Variants in NF2 observed in about 807,000 individuals in gnomAD.
NF2 encodes the protein NF2, moesin-ezrin-radixin like (MERLIN) tumor suppressor.
A neutral mutation model predicts 83.7 loss-of-function variants in NF2; 8 were observed. The ratio of observed to expected loss-of-function variants is 0.10; its 90% CI spans 0.06 to 0.17. NF2 has a LOEUF of 0.17. Ranked by LOEUF, NF2 falls within the 10% of genes least tolerant of loss-of-function variation. The pLI, the probability that NF2 is intolerant of heterozygous loss-of-function variation, is 1.00. For missense variants in NF2, 533 were observed against 744.4 expected, an observed-to-expected ratio of 0.72 and a Z score of 3.31; for synonymous variants, 266 against 269.6, an observed-to-expected ratio of 0.99 and a Z score of 0.13.
intron 15 of NF2, among the ~76,000 whole-genome samples, chr22:29,685,726 G>A (rs2530678): frequency 0.23 from 34,779 of 151,990 alleles, 4,250 homozygotes; most frequent in East Asian, 0.43. Context: ...ATTTGTCCTC[G>A]TTTTCAGTAC....
At chr22:29,633,218 A>T (rs1167645353) in intron 1 of NF2, among the ~76,000 whole-genome samples, 2 of 152,188 alleles carry the variant, frequency 1.3e-5, no homozygotes, top group Non-Finnish European at 2.9e-5. Flanking sequence ...GCTTTAAATC[A>T]AATATGTTTG....
In NF2 at chr22:29,637,912, G is replaced by A. The variant is rs112649205; in HGVS notation, c.240+1036G>A. Among the ~76,000 whole-genome samples, 1,224 of 152,278 alleles carry A rather than the reference G, an allele frequency of 8.0e-3. 14 individuals carry two copies. Among genetic ancestry groups the A allele is most frequent in the African/African-American group, 0.026 (1,067 of 41,542 alleles). Reference sequence around the variant, plus strand: ...CTTGGCATTGCCATCTAGAATTTGGGCAGGAGCATGGAGAGTTATGTGTCA... The same window carrying A: ...CTTGGCATTGCCATCTAGAATTTGGACAGGAGCATGGAGAGTTATGTGTCA... On this transcript the variant is annotated intron_variant, in intron 2 of 15. Transcript: ENST00000338641.
chr22:29,651,785 G>A (rs1455099386), intron 4 of NF2, among the ~76,000 whole-genome samples: 1 of 152,102 alleles, frequency 6.6e-6, no homozygotes, highest in East Asian at 1.9e-4. Flanking sequence ...ATAATAATGG[G>A]GGTTGTTAAT....
chr22:29,695,648 C>T lies in NF2; in HGVS notation c.*846C>T. ...GGGGCTGGGGTACTCCCTGGTCGTACTGCAGTCAGCACCCGTAACCCGGCT... is the reference window on the plus strand; with the variant it reads ...GGGGCTGGGGTACTCCCTGGTCGTATTGCAGTCAGCACCCGTAACCCGGCT... On this transcript the variant is annotated 3_prime_UTR_variant, in exon 16 of 16. Transcript: ENST00000338641. This position sits in a 1 kb window ranked among gnomAD's most constrained non-coding sequence, Gnocchi z 5.4. 1 of 233,870 alleles carries T rather than the reference C, an allele frequency of 4.3e-6. No individual in the cohort carries two copies. Among genetic ancestry groups the T allele is most frequent in the Non-Finnish European group, 8.4e-6 (1 of 118,410 alleles). The allele number at this position is 233,870 out of a possible 1,614,324, so 14.5% of individuals were successfully genotyped here.
chr22:29,633,628 T>C (rs542982762), intron 1 of NF2, among the ~76,000 whole-genome samples: 1 of 152,338 alleles, frequency 6.6e-6, no homozygotes, highest in Admixed American at 6.5e-5. Flanking sequence ...CTTTGCAGCT[T>C]TTGGCTGAAG....
At position 29,694,352 on chromosome 22, in the gene NF2, A is replaced by C. The variant is rs1453070046; in HGVS notation, c.1738-400A>C. ...GAGGACTAAGATGCTTGCCCTGCCA[A>C]GCCCGGAGGGGATGAGCAGCCTCAG... On this transcript the variant is annotated intron_variant, in intron 15 of 15. Coordinates refer to ENST00000338641, the MANE Select transcript of NF2 (RefSeq NM_000268.4). This position sits in a 1 kb window ranked among gnomAD's most constrained non-coding sequence, Gnocchi z 4.1. Among the ~76,000 whole-genome samples, 1 of 152,220 alleles carries C rather than the reference A, an allele frequency of 6.6e-6. No homozygotes were observed. Among genetic ancestry groups the C allele is most frequent in the Non-Finnish European group, 1.5e-5 (1 of 68,040 alleles).
intron 11 of NF2, 76 bp from the exon 12 acceptor site, chr22:29,673,193 T>C: frequency 6.8e-7 from 1 of 1,465,798 alleles, no homozygotes; most frequent in South Asian, 1.2e-5. Context: ...GTTTGTCCCA[T>C]CTCAGTGTTC....
intron 1 of NF2, among the ~76,000 whole-genome samples, chr22:29,624,798 CCTCTTTCTTT>C (rs1188364671): frequency 6.3e-4 from 90 of 141,958 alleles, no homozygotes; most frequent in African/African-American, 1.9e-3. Context: ...GTTGAAGGGT[CCTCTTTCTTT>C]CTTTCTTTCT....
chr22:29,636,648 T>A lies in NF2; in HGVS notation c.115-103T>A, dbSNP rs2146849651. On this transcript the variant is annotated intron_variant, in intron 1 of 15. Coordinates refer to ENST00000338641, the MANE Select transcript of NF2 (RefSeq NM_000268.4). The surrounding 1 kb of genome is among the most constrained non-coding windows in gnomAD (Gnocchi z 4.4). ...ATTCAGTCCTCATCAGCTGTCTTAGTGTCATCCCCACGTTTTGGAACCTGA... is the reference window on the plus strand; with the variant it reads ...ATTCAGTCCTCATCAGCTGTCTTAGAGTCATCCCCACGTTTTGGAACCTGA... 1.4e-6 allele frequency: 2 copies of A among 1,458,716 alleles called. No individual in the cohort carries two copies. The highest frequency in any genetic ancestry group is 9.6e-7 in the Non-Finnish European group (1 of 1,039,766). 90.4% of individuals were successfully genotyped at this position (1,458,716 alleles called of 1,614,324 possible). A position where few individuals can be genotyped will look rare whatever the true frequency, so the allele number is the denominator to read the frequency against.
At chr22:29,614,450 CG>C (rs1400906145) in intron 1 of NF2, among the ~76,000 whole-genome samples, 1 of 151,944 alleles carries the variant, frequency 6.6e-6, no homozygotes, top group Non-Finnish European at 1.5e-5. Flanking sequence ...GGCGTGGTGG[CG>C]GGCGCCTGTA....
intron 7 of NF2, 86 bp from the exon 8 acceptor site, chr22:29,661,119 C>T (rs2147005769): frequency 6.3e-7 from 1 of 1,578,628 alleles, no homozygotes; most frequent in Non-Finnish European, 8.7e-7. Flanking sequence ...TCACATGTGA[C>T]AGTGTGTGCC....
At chr22:29,644,833 A>T (rs1016105322) in intron 4 of NF2, among the ~76,000 whole-genome samples, 1 of 152,144 alleles carries the variant, frequency 6.6e-6, no homozygotes, top group Non-Finnish European at 1.5e-5. Context: ...AGGCAGGAGA[A>T]TCAGGCAGGG....
chr22:29,681,963 A>C (rs1354058587), intron 15 of NF2, among the ~76,000 whole-genome samples: 1 of 152,216 alleles, frequency 6.6e-6, no homozygotes, highest in East Asian at 1.9e-4. Flanking sequence ...GAGGCTATTG[A>C]GAATGGACTT....
intron 14 of NF2, among the ~76,000 whole-genome samples, chr22:29,681,232 A>G (rs189522042): frequency 1.3e-5 from 2 of 152,062 alleles, no homozygotes; most frequent in East Asian, 3.9e-4. Context: ...CCCTGTGATC[A>G]TTATCCCAAT....
At chr22:29,616,876 A>T (rs944144917) in intron 1 of NF2, among the ~76,000 whole-genome samples, 2 of 151,814 alleles carry the variant, frequency 1.3e-5, no homozygotes, top group Non-Finnish European at 2.9e-5. Context: ...TAGATGTTAG[A>T]TGTTGTGAGA....
chr22:29,695,327 C>A lies in NF2; in HGVS notation c.*525C>A. On this transcript the variant is annotated 3_prime_UTR_variant, in exon 16 of 16. Transcript: ENST00000338641. This position sits in a 1 kb window ranked among gnomAD's most constrained non-coding sequence, Gnocchi z 5.4. ...TGCCGGCTTCTCATCGTCAGGGAGC[C>A]CGCCCAGAGCTCGTGACGAGCAAGT... The A allele has an allele frequency of 3.7e-6, 1 of 269,040 alleles. No individual in the cohort carries two copies. Among genetic ancestry groups the A allele is most frequent in the Non-Finnish European group, 7.2e-6 (1 of 138,172 alleles). 16.7% of individuals were successfully genotyped at this position (269,040 alleles called of 1,614,324 possible). A position where few individuals can be genotyped will look rare whatever the true frequency, so the allele number is the denominator to read the frequency against.
chr22:29,646,837 A>G (rs1386117958), intron 4 of NF2, among the ~76,000 whole-genome samples: 3 of 152,098 alleles, frequency 2.0e-5, no homozygotes, highest in Non-Finnish European at 4.4e-5. Context: ...TGAGGTCAGG[A>G]GTTCTAGACC....
In NF2 at chr22:29,693,723, T is replaced by C. The variant is rs373455576; in HGVS notation, c.1738-1029T>C. On this transcript the variant is annotated intron_variant, in intron 15 of 15. Coordinates refer to ENST00000338641, the MANE Select transcript of NF2 (RefSeq NM_000268.4). ...TCTCCCGCGAACCTCAGTTTAGTTA[T>C]CTTCATAGCCCACGTCCTGGTCGCT... Among the ~76,000 whole-genome samples, 4 of 152,204 alleles carry C rather than the reference T, an allele frequency of 2.6e-5. No individual in the cohort carries two copies. In the East Asian group the frequency reaches 5.8e-4, roughly 22 times the overall value.
At position 29,696,374 on chromosome 22, in the gene NF2, G is replaced by A; in HGVS notation, c.*1572G>A. ...CTTTCTTTTCTCCATGGCTGATGCT[G>A]CTGTGGCCAGCCAGGGCCCTTGAGA... On this transcript the variant is annotated 3_prime_UTR_variant, in exon 16 of 16. Coordinates refer to ENST00000338641, the MANE Select transcript of NF2 (RefSeq NM_000268.4). 4.6e-6 allele frequency: 1 copy of A among 219,130 alleles called. No homozygotes were observed. Among genetic ancestry groups the A allele is most frequent in the Non-Finnish European group, 9.2e-6 (1 of 109,198 alleles). 13.6% of individuals were successfully genotyped at this position (219,130 alleles called of 1,614,324 possible).
Sources: gnomAD v4.1 joint callset for allele counts (sites outside exome capture counted in the v4.1 genomes callset) on GRCh38, gnomAD v4.1.1 for gene constraint, Gnocchi (gnomAD v3.1) non-coding constraint, MANE v1.5 for transcripts, NCBI Gene and HGNC (gene_info 2026-07-23, HGNC 2026-07-21) for gene names.